TRIT1: variants seen among roughly 807,000 people sequenced by gnomAD.
TRIT1 encodes the protein tRNA dimethylallyltransferase.
A neutral mutation model predicts 51.2 loss-of-function variants in TRIT1; 43 were observed. The ratio of observed to expected loss-of-function variants is 0.84; its 90% CI spans 0.66 to 1.08. The LOEUF (loss-of-function observed/expected upper bound fraction) is 1.08, where lower values mean the gene tolerates loss of function less well. Among genes scored for constraint, TRIT1 ranks in the 50% least tolerant of loss-of-function variants. TRIT1 has a pLI of 0.00. For missense variants in TRIT1, 528 were observed against 578.4 expected, an observed-to-expected ratio of 0.91 and a Z score of 0.89; for synonymous variants, 184 against 203.9, an observed-to-expected ratio of 0.90 and a Z score of 0.83.
chr1:39,882,981 C>CTGTCG (rs1644309892), intron 1 of TRIT1, among the ~76,000 whole-genome samples: 1 of 152,212 alleles, frequency 6.6e-6, no homozygotes, highest in African/African-American at 2.4e-5. Context: ...GGATACCTAT[C>CTGTCG]TGTCGACCTT....
chr1:39,882,385 G>A (rs1426690330), intron 1 of TRIT1, among the ~76,000 whole-genome samples: 6 of 152,166 alleles, frequency 3.9e-5, no homozygotes, highest in Admixed American at 6.5e-5. Context: ...TCAGTGCCAG[G>A]CATTTCATGT....
chr1:39,842,919 G>A (rs1181750081), intron 10 of TRIT1, among the ~76,000 whole-genome samples: 1 of 152,126 alleles, frequency 6.6e-6, no homozygotes, highest in East Asian at 1.9e-4. Context: ...CAGGAGATGG[G>A]AGTAAGGACT....
At chr1:39,874,769 G>A (rs1282689020) in intron 1 of TRIT1, among the ~76,000 whole-genome samples, 1 of 151,614 alleles carries the variant, frequency 6.6e-6, no homozygotes, top group Non-Finnish European at 1.5e-5. Context: ...GGGTTCAAGT[G>A]ATTCTCCTGC....
chr1:39,845,285 C>G (rs1214553112), intron 8 of TRIT1, among the ~76,000 whole-genome samples: 1 of 152,234 alleles, frequency 6.6e-6, no homozygotes, highest in African/African-American at 2.4e-5. Context: ...GAAGATGAGA[C>G]TGAAGGTAGC....
intron 4 of TRIT1, among the ~76,000 whole-genome samples, chr1:39,850,577 T>G (rs1642504047): frequency 6.6e-6 from 1 of 152,196 alleles, no homozygotes; most frequent in African/African-American, 2.4e-5. Flanking sequence ...GTTACTCCAG[T>G]CCTACAGCTA....
rs1641854020 is a variant in TRIT1 at position 39,840,956 on chromosome 1, T to G, written c.*788A>C. The G allele has an allele frequency of 6.6e-6, 1 of 152,126 alleles. No individual in the cohort carries two copies. The highest frequency in any genetic ancestry group is 1.9e-4 in the East Asian group (1 of 5,200). 9.4% of individuals were successfully genotyped at this position (152,126 alleles called of 1,614,324 possible). On this transcript the variant is annotated 3_prime_UTR_variant, in exon 11 of 11. Transcript: ENST00000316891. ...AACAGACAGCATGATCTACAAAAAG[T>G]GTCAAATTTGAGAAAAAGCTATCAC...
At chr1:39,874,393 A>G (rs1643978611) in intron 1 of TRIT1, among the ~76,000 whole-genome samples, 1 of 152,194 alleles carries the variant, frequency 6.6e-6, no homozygotes. Flanking sequence ...TAGGAGGCCA[A>G]ATCACCCCAA....
At chr1:39,862,871 G>A in intron 1 of TRIT1, 2 of 985,422 alleles carry the variant, frequency 2.0e-6, no homozygotes, top group Non-Finnish European at 2.4e-6. Flanking sequence ...AAGGATCTGT[G>A]TTATCTTTCA....
intron 1 of TRIT1, among the ~76,000 whole-genome samples, chr1:39,875,108 A>G (rs939048345): frequency 6.6e-6 from 1 of 151,994 alleles, no homozygotes; most frequent in Admixed American, 6.6e-5. Context: ...CCAAAGCCCA[A>G]CTCCAGCCTC....
At chr1:39,869,149 CAGACTGG>C (rs1310102718) in intron 1 of TRIT1, among the ~76,000 whole-genome samples, 3 of 151,946 alleles carry the variant, frequency 2.0e-5, no homozygotes, top group Non-Finnish European at 2.9e-5. Flanking sequence ...CCCTCTGATG[CAGACTGG>C]AGGCTGGACT....
At chr1:39,875,063 T>C (rs1215552226) in intron 1 of TRIT1, among the ~76,000 whole-genome samples, 2 of 152,164 alleles carry the variant, frequency 1.3e-5, no homozygotes, top group Non-Finnish European at 2.9e-5. Flanking sequence ...TGGTTCTGTT[T>C]ACAAAATATC....
chr1:39,853,995 A>G lies in TRIT1; in HGVS notation c.389T>C (p.Leu130Pro). Residue 130 changes from leucine to proline, a missense_variant, in exon 3 of 11, where the codon CTC becomes CCC. This residue lies in a region of TRIT1 where 468 missense variants were observed against 522.6 expected (regional missense o/e 0.90). Coordinates refer to ENST00000316891, the MANE Select transcript of TRIT1 (RefSeq NM_017646.6). ...GGTNYYIESL[L>P]WKVLVNTKPQ... ...CTTGGTATTGACAAGAACTTTCCAG[A>G]GCAGAGATTCAATGTAATAATTGGT... 6.2e-7 allele frequency: 1 copy of G among 1,613,490 alleles called. No homozygotes were observed. Among genetic ancestry groups the G allele is most frequent in the Non-Finnish European group, 8.5e-7 (1 of 1,179,778 alleles).
chr1:39,857,972 A>G (rs1160983737), intron 1 of TRIT1, among the ~76,000 whole-genome samples: 1 of 152,230 alleles, frequency 6.6e-6, no homozygotes, highest in Non-Finnish European at 1.5e-5. Context: ...TAGTGGAAAC[A>G]TTGTGATCTA....
intron 1 of TRIT1, among the ~76,000 whole-genome samples, chr1:39,865,262 T>C (rs2124644885): frequency 6.6e-6 from 1 of 152,342 alleles, no homozygotes; most frequent in East Asian, 1.9e-4. Flanking sequence ...CACTAGGCCT[T>C]CCTCCATCTA....
chr1:39,846,206 GT>G (rs1642213735), intron 8 of TRIT1, among the ~76,000 whole-genome samples: 1 of 152,238 alleles, frequency 6.6e-6, no homozygotes, highest in Admixed American at 6.5e-5. Context: ...CAGGCAGAGA[GT>G]GGGAGCTGGG....
intron 1 of TRIT1, among the ~76,000 whole-genome samples, chr1:39,864,370 G>A (rs959238962): frequency 2.6e-5 from 4 of 151,788 alleles, no homozygotes; most frequent in African/African-American, 9.7e-5. Flanking sequence ...AGCACTTTGG[G>A]AGGCTGAGGC....
intron 10 of TRIT1, among the ~76,000 whole-genome samples, chr1:39,843,798 G>GA (rs1165472144): frequency 1.1e-4 from 16 of 152,110 alleles, no homozygotes; most frequent in African/African-American, 3.6e-4. Flanking sequence ...GAAAGGCCAA[G>GA]AAACTCCTCC....
At chr1:39,854,833 T>C (rs1180329521) in intron 2 of TRIT1, among the ~76,000 whole-genome samples, 2 of 152,154 alleles carry the variant, frequency 1.3e-5, no homozygotes, top group African/African-American at 4.8e-5. Flanking sequence ...AAGGCGGCCT[T>C]TGCTCCTGAG....
At chr1:39,850,878 A>G (rs1642521697) in intron 4 of TRIT1, among the ~76,000 whole-genome samples, 1 of 152,234 alleles carries the variant, frequency 6.6e-6, no homozygotes, top group Non-Finnish European at 1.5e-5. Context: ...AAATTAATGA[A>G]GAATGCTCCT....
Sources: gnomAD v4.1 joint callset for allele counts (sites outside exome capture counted in the v4.1 genomes callset) on GRCh38, gnomAD v4.1.1 for gene constraint, gnomAD v4.1.1 regional missense constraint, MANE v1.5 for transcripts, NCBI Gene and HGNC (gene_info 2026-07-23, HGNC 2026-07-21) for gene names.